KALRN: variants seen among roughly 807,000 people sequenced by gnomAD.
The protein encoded by KALRN is kalirin RhoGEF kinase.
KALRN carries 70 observed loss-of-function variants against 353.7 expected under a neutral mutation model. The ratio of observed to expected loss-of-function variants is 0.20; its 90% CI spans 0.16 to 0.24. The LOEUF is 0.24. KALRN is among the 10% of genes least tolerant of loss of function. KALRN has a pLI of 1.00. For missense variants in KALRN, 2,791 were observed against 3,756.7 expected (o/e 0.74, Z 6.72); for synonymous variants, 1,391 against 1,434.8 (o/e 0.97, Z 0.69).
chr3:124,179,283 T>G (rs1460593117), intron 1 of KALRN, among the ~76,000 whole-genome samples: 1 of 152,134 alleles, frequency 6.6e-6, no homozygotes, highest in Non-Finnish European at 1.5e-5. Context: ...TTTTTAAAAC[T>G]TTTAAAACTT....
intron 1 of KALRN, among the ~76,000 whole-genome samples, chr3:124,185,601 A>G (rs919500325): frequency 6.6e-6 from 1 of 152,202 alleles, no homozygotes; most frequent in Non-Finnish European, 1.5e-5. Context: ...TGTCGTGAGC[A>G]GTAGTTGCTC....
chr3:124,363,519 TTAAGTC>T (rs2084298228), intron 10 of KALRN, among the ~76,000 whole-genome samples: 1 of 152,220 alleles, frequency 6.6e-6, no homozygotes, highest in Non-Finnish European at 1.5e-5. Flanking sequence ...TAAAAGTACT[TTAAGTC>T]TAGAGCACAG....
chr3:124,455,334 A>C lies in KALRN; in HGVS notation c.3710A>C (p.Glu1237Ala). The change falls in exon 22 of 60, where the codon GAG (glutamate) becomes GCG (alanine). Residue 1237 changes from glutamate (E) to alanine (A), a missense_variant. By Grantham distance (107) the Glu-to-Ala change is moderately radical (BLOSUM62 -1). Around this residue, in one of 11 missense-constraint regions of KALRN, gnomAD observed 268 missense variants for 347.0 expected, o/e 0.77. Coordinates refer to ENST00000682506, the MANE Select transcript of KALRN (RefSeq NM_001388419.1). ...LRMGKYRYSL[E>A]KALGVNTEDN... ...ATGGGAAAGTACCGATACTCACTGG[A>C]GAAAGCCCTAGGAGTCAACACAGAG... The C allele has an allele frequency of 6.2e-7, 1 of 1,614,128 alleles. No homozygotes were observed. Among genetic ancestry groups the C allele is most frequent in the Non-Finnish European group, 8.5e-7 (1 of 1,179,980 alleles).
intron 3 of KALRN, among the ~76,000 whole-genome samples, chr3:124,254,624 T>C (rs915627556): frequency 2.6e-5 from 4 of 152,136 alleles, no homozygotes; most frequent in African/African-American, 9.7e-5. Context: ...TAAGATAATG[T>C]ATATAAATGT....
At chr3:124,572,049 G>A (rs1175842623) in intron 34 of KALRN, among the ~76,000 whole-genome samples, 2 of 151,932 alleles carry the variant, frequency 1.3e-5, no homozygotes, top group Non-Finnish European at 2.9e-5. Context: ...GAGACTGGGT[G>A]CAGTGGCTCA....
At position 124,632,758 on chromosome 3, in the gene KALRN, C is replaced by T. The variant is rs934525907; in HGVS notation, c.5466+55C>T. 33 of 1,535,622 alleles carry T rather than the reference C, an allele frequency of 2.1e-5. No homozygotes were observed. In the Middle Eastern group the frequency reaches 5.2e-4, roughly 24 times the overall value. On this transcript the variant is annotated intron_variant, in intron 35 of 59. Coordinates refer to ENST00000682506, the MANE Select transcript of KALRN (RefSeq NM_001388419.1). The stretch of plus-strand genomic sequence containing the variant: ...TCAGGAGGGCCTTCTGACATGTCTC[C>T]TTCCTCAGGTTTTGTCAACTAGGCC...
intron 34 of KALRN, among the ~76,000 whole-genome samples, chr3:124,599,053 T>C (rs1413071827): frequency 6.6e-6 from 1 of 151,626 alleles, no homozygotes; most frequent in East Asian, 1.9e-4. Context: ...GGGGTGGGGG[T>C]TAGATTGGGC....
rs1265188394 is a variant in KALRN, at chr3:124,434,475, C to T, written c.2998C>T (p.Arg1000Trp). 6.8e-6 allele frequency: 11 copies of T among 1,614,080 alleles called. No individual in the cohort carries two copies. The highest frequency in any genetic ancestry group is 6.7e-5 in the Admixed American group (4 of 60,008). Reference protein sequence around the residue: ...WQQLMLKMEDRLKLVNASVAF... With the variant: ...WQQLMLKMEDWLKLVNASVAF... ...GCAGCTCATGCTGAAGATGGAAGAC[C>T]GGCTAAAATTGGTCAATGCCTCTGT... Residue 1000 changes from arginine (R) to tryptophan (W), a missense_variant, in exon 17 of 60, where the codon CGG (arginine) becomes TGG (tryptophan). Physicochemically the swap from Arg to Trp is moderately radical, Grantham distance 101. Coordinates refer to ENST00000682506, the MANE Select transcript of KALRN (RefSeq NM_001388419.1).
chr3:124,461,819 G>A (rs2059893764), intron 23 of KALRN, 71 bp from the exon 24 acceptor site: 1 of 1,063,900 alleles, frequency 9.4e-7, no homozygotes, highest in East Asian at 2.4e-5. Context: ...TGCTGGGGTG[G>A]GGAAGTGAAG....
chr3:124,270,824 GTTTTTTTTTTT>G (rs777615656), intron 5 of KALRN, among the ~76,000 whole-genome samples: 5 of 78,654 alleles, frequency 6.4e-5, no homozygotes, highest in Non-Finnish European at 9.7e-5. Context: ...TTTTTGTTTT[GTTTTTTTTTTT>G]TTTTTTTTTT....
At position 124,228,054 on chromosome 3, in the gene KALRN, C is replaced by T. The variant is rs770538949; in HGVS notation, c.138C>T (p.Ala46=). The T allele has an allele frequency of 1.1e-5, 17 of 1,613,474 alleles. No homozygotes were observed. The highest frequency in any genetic ancestry group is 2.7e-5 in the African/African-American group (2 of 74,866). ...DVLPILKEKV[A]FVSGGRDKRG... ...TTCCTATCCTAAAGGAAAAGGTGGC[C>T]TTCGTGTCTGGTGAGTATTTGTGGG... Residue 46 remains alanine, a synonymous_variant, in exon 2 of 60, where the codon GCC becomes GCT. Transcript: ENST00000682506.
intron 11 of KALRN, among the ~76,000 whole-genome samples, chr3:124,385,823 G>A (rs989799865): frequency 2.6e-5 from 4 of 152,160 alleles, no homozygotes; most frequent in South Asian, 2.1e-4. Flanking sequence ...TAAGTGGCCA[G>A]TAAGGAGGCA....
intron 38 of KALRN, among the ~76,000 whole-genome samples, chr3:124,653,219 G>C (rs116733509): frequency 0.011 from 1,742 of 152,280 alleles, 32 homozygotes; most frequent in African/African-American, 0.04. Flanking sequence ...CAATCCAGAA[G>C]ATGGCAGTGG....
chr3:124,229,811 A>G (rs2078959547), intron 2 of KALRN, among the ~76,000 whole-genome samples: 1 of 152,244 alleles, frequency 6.6e-6, no homozygotes, highest in Non-Finnish European at 1.5e-5. Context: ...AGTAGTAGCA[A>G]TAGTAATTTA....
intron 14 of KALRN, among the ~76,000 whole-genome samples, chr3:124,416,030 T>C (rs1239128495): frequency 6.6e-6 from 1 of 152,242 alleles, no homozygotes; most frequent in East Asian, 1.9e-4. Context: ...TTTAGCCCCA[T>C]GGCCTGCCCT....
chr3:124,239,330 T>G (rs1396720317), intron 3 of KALRN, among the ~76,000 whole-genome samples: 1 of 152,192 alleles, frequency 6.6e-6, no homozygotes, highest in Non-Finnish European at 1.5e-5. Flanking sequence ...GCACTACATC[T>G]AGTAAGGAAA....
chr3:124,630,691 A>T (rs1036234270), intron 34 of KALRN, among the ~76,000 whole-genome samples: 1 of 152,148 alleles, frequency 6.6e-6, no homozygotes, highest in African/African-American at 2.4e-5. Context: ...AAATGAGGAT[A>T]ATGACAGAAC....
chr3:124,699,740 C>T, intron 55 of KALRN, 129 bp from the exon 56 acceptor site: 1 of 854,224 alleles, frequency 1.2e-6, no homozygotes. Context: ...GCTTTCAGAG[C>T]CTGACACGGT....
intron 2 of KALRN, among the ~76,000 whole-genome samples, chr3:124,233,768 C>G (rs1342036887): frequency 6.6e-6 from 1 of 152,188 alleles, no homozygotes; most frequent in East Asian, 1.9e-4. Context: ...CACCTCTCCA[C>G]TCTCTTTCAT....
Sources: gnomAD v4.1 joint callset for allele counts (sites outside exome capture counted in the v4.1 genomes callset) on GRCh38, gnomAD v4.1.1 for gene constraint, gnomAD v4.1.1 regional missense constraint, MANE v1.5 for transcripts, NCBI Gene and HGNC (gene_info 2026-07-23, HGNC 2026-07-21) for gene names.